The following AIDA variants were observed in gnomAD, a reference collection of about 807,000 sequenced individuals.
AIDA encodes the protein axin interactor, dorsalization-associated protein.
AIDA carries 18 observed loss-of-function variants against 42.7 expected under a neutral mutation model. The ratio of observed to expected loss-of-function variants is 0.42; its 90% confidence interval spans 0.29 to 0.63. The LOEUF (loss-of-function observed/expected upper bound fraction) is 0.63. Among genes scored for constraint, AIDA ranks in the 20% least tolerant of loss-of-function variants. The pLI is 0.19. For missense variants in AIDA, 250 were observed against 354.1 expected (o/e 0.71, Z 2.36); for synonymous variants, 104 against 122.9 (o/e 0.85, Z 1.02).
Position 222,694,169 on chromosome 1 carries a change from A to C in AIDA, c.234+41T>G, listed in dbSNP as rs367904731. 7.1e-6 allele frequency: 11 copies of C among 1,545,952 alleles called. No homozygotes were observed. In the African/African-American group the frequency reaches 1.5e-4, roughly 21 times the overall value. ...ATGTTTTATCACAATAATGCAGAATAATTTATTTTCCTTGTATTACAGAAG... is the reference window on the plus strand; with the variant it reads ...ATGTTTTATCACAATAATGCAGAATCATTTATTTTCCTTGTATTACAGAAG... On this transcript the variant is annotated intron_variant, in intron 3 of 9. Transcript: ENST00000340020.
chr1:222,691,385 T>A (rs1347333130), intron 4 of AIDA, among the ~76,000 whole-genome samples: 1 of 152,198 alleles, frequency 6.6e-6, no homozygotes, highest in Non-Finnish European at 1.5e-5. Context: ...AACATTCACA[T>A]AGCCACTCTG....
intron 9 of AIDA, 47 bp from the exon 10 acceptor site, chr1:222,670,036 G>C: frequency 1.9e-6 from 3 of 1,612,192 alleles, no homozygotes; most frequent in Non-Finnish European, 2.5e-6. Flanking sequence ...ATTGATAACT[G>C]AACTCTTCAA....
In AIDA at chr1:222,668,916, C is replaced by T. The variant is rs1486204093; in HGVS notation, c.*977G>A. On this transcript the variant is annotated 3_prime_UTR_variant, in exon 10 of 10. Coordinates refer to ENST00000340020, the MANE Select transcript of AIDA (RefSeq NM_022831.4). ...GTATATCTAAATAGGAAATAAATGG[C>T]GATCCTATCTACCTATATAAAAAAA... 1.3e-5 allele frequency: 2 copies of T among 151,030 alleles called. No individual in the cohort carries two copies. The highest frequency in any genetic ancestry group is 2.1e-4 in the South Asian group (1 of 4,774). The allele number at this position is 151,030 out of a possible 1,614,324, so 9.4% of individuals were successfully genotyped here.
chr1:222,709,751 C>A (rs1655943586), intron 1 of AIDA, among the ~76,000 whole-genome samples: 1 of 152,202 alleles, frequency 6.6e-6, no homozygotes, highest in East Asian at 1.9e-4. Context: ...GGAGCACTTA[C>A]TCTTTTCATA....
Position 222,681,649 on chromosome 1 carries a change from C to T in AIDA, c.460+5281G>A, listed in dbSNP as rs34238252. ...CTGCACTCCAGCCTGGGCGACAGAG[C>T]GAGACTGTCTCAAAAAAAAGAAAAA... On this transcript the variant is annotated intron_variant, in intron 6 of 9. Coordinates refer to ENST00000340020, the MANE Select transcript of AIDA (RefSeq NM_022831.4). 9.1e-3 allele frequency among the ~76,000 whole-genome samples: 1,385 copies of T among 152,130 alleles called. 16 individuals are homozygous for T. Among genetic ancestry groups the T allele is most frequent in the Non-Finnish European group, 0.014 (945 of 67,998 alleles).
At chr1:222,707,214 G>C (rs546803323) in intron 1 of AIDA, among the ~76,000 whole-genome samples, 3 of 152,038 alleles carry the variant, frequency 2.0e-5, no homozygotes, top group Non-Finnish European at 4.4e-5. Flanking sequence ...CTGGAGTGCA[G>C]TGGCATGATC....
Position 222,689,499 on chromosome 1 carries a change from A to G in AIDA, c.290-1841T>C, listed in dbSNP as rs1391153107. Among the ~76,000 whole-genome samples the G allele has an allele frequency of 4.0e-3, 279 of 69,038 alleles. 8 individuals are homozygous for G. Among genetic ancestry groups the G allele is most frequent in the African/African-American group, 0.013 (259 of 20,108 alleles). The allele number at this position is 69,038 out of a possible 152,430, so 45.3% of individuals were successfully genotyped here. On this transcript the variant is annotated intron_variant, in intron 4 of 9. Transcript: ENST00000340020. Reference sequence around the variant, plus strand: ...TGTGTGTGTATATATATATATATATATATATATATATATATATATATACAC... The same window carrying G: ...TGTGTGTGTATATATATATATATATGTATATATATATATATATATATACAC...
intron 2 of AIDA, 147 bp downstream of exon 2, chr1:222,703,001 G>C: frequency 1.7e-6 from 1 of 587,016 alleles, no homozygotes; most frequent in Non-Finnish European, 2.9e-6. Flanking sequence ...CTTAATGTTA[G>C]GCAAAGCATA....
chr1:222,680,656 T>C (rs980843232), intron 6 of AIDA, among the ~76,000 whole-genome samples: 1 of 152,162 alleles, frequency 6.6e-6, no homozygotes, highest in Non-Finnish European at 1.5e-5. Flanking sequence ...ACTTTATCAA[T>C]GCAGCAATGG....
At position 222,689,951 on chromosome 1, in the gene AIDA, G is replaced by A. The variant is rs547846404; in HGVS notation, c.290-2293C>T. On this transcript the variant is annotated intron_variant, in intron 4 of 9. Transcript: ENST00000340020. ...CATACCATTTTATTATCTTTTATAT[G>A]TACTTTTACTATCCTTTTTCTACTA... 6.0e-4 allele frequency among the ~76,000 whole-genome samples: 91 copies of A among 152,004 alleles called. 1 individual carries two copies. The highest frequency in any genetic ancestry group is 3.4e-3 in the Middle Eastern group (1 of 294).
At chr1:222,685,612 A>G (rs886394764) in intron 6 of AIDA, among the ~76,000 whole-genome samples, 5 of 152,240 alleles carry the variant, frequency 3.3e-5, no homozygotes, top group Non-Finnish European at 7.3e-5. Context: ...AAAGTAAACT[A>G]GTTTATTAGA....
chr1:222,670,007 A>T lies in AIDA; in HGVS notation c.825-18T>A. ...TCTTGTATCTGTAATCACAACAGAA[A>T]GACCATTGTTTAAAATACATTGATA... On this transcript the variant is annotated intron_variant, in intron 9 of 9. Coordinates refer to ENST00000340020, the MANE Select transcript of AIDA (RefSeq NM_022831.4). The T allele has an allele frequency of 6.2e-7, 1 of 1,613,984 alleles. No homozygotes were observed. Among genetic ancestry groups the T allele is most frequent in the Non-Finnish European group, 8.5e-7 (1 of 1,179,910 alleles).
chr1:222,703,254 A>G (rs745627437), intron 1 of AIDA, 37 bp from the exon 2 acceptor site: 9 of 1,481,872 alleles, frequency 6.1e-6, no homozygotes, highest in Admixed American at 1.9e-5. Context: ...AATGGAAGAA[A>G]AGCAAACTAC....
chr1:222,707,296 C>G (rs551009563), intron 1 of AIDA, among the ~76,000 whole-genome samples: 7 of 152,050 alleles, frequency 4.6e-5, no homozygotes, highest in African/African-American at 1.7e-4. Context: ...TAGCTGAGAC[C>G]ACAGGCGTGT....
intron 1 of AIDA, among the ~76,000 whole-genome samples, chr1:222,706,814 C>T (rs893908954): frequency 6.6e-6 from 1 of 150,812 alleles, no homozygotes; most frequent in African/African-American, 2.4e-5. Flanking sequence ...TAGATCACCC[C>T]CCTGCACTCC....
At chr1:222,676,819 T>G (rs537018932) in intron 6 of AIDA, among the ~76,000 whole-genome samples, 2 of 151,944 alleles carry the variant, frequency 1.3e-5, no homozygotes, top group Non-Finnish European at 2.9e-5. Flanking sequence ...CTAGTTACTA[T>G]TGATATAGGA....
At chr1:222,699,415 CATA>C (rs2124965615) in intron 2 of AIDA, among the ~76,000 whole-genome samples, 1 of 152,230 alleles carries the variant, frequency 6.6e-6, no homozygotes, top group East Asian at 1.9e-4. Flanking sequence ...CAAAATTTCC[CATA>C]ATATGTTTCA....
chr1:222,693,192 T>C (rs1174849270), intron 4 of AIDA, among the ~76,000 whole-genome samples: 1 of 152,150 alleles, frequency 6.6e-6, no homozygotes, highest in African/African-American at 2.4e-5. Flanking sequence ...AGATGTGCAG[T>C]CTTGTCTCAA....
chr1:222,697,515 T>C (rs951874530), intron 2 of AIDA, among the ~76,000 whole-genome samples: 1 of 151,414 alleles, frequency 6.6e-6, no homozygotes, highest in Non-Finnish European at 1.5e-5. Flanking sequence ...GTATATGTAC[T>C]GACAATTAAG....
Sources: gnomAD v4.1 joint callset for allele counts (sites outside exome capture counted in the v4.1 genomes callset) on GRCh38, gnomAD v4.1.1 for gene constraint, MANE v1.5 for transcripts, NCBI Gene and HGNC (gene_info 2026-07-23, HGNC 2026-07-21) for gene names.